Variants in ERCC2 observed in about 807,000 individuals in gnomAD.
ERCC2 encodes the protein ERCC excision repair 2, TFIIH core complex helicase subunit, also known as general transcription and DNA repair factor IIH helicase subunit XPD.
Under a neutral mutation model 99.4 loss-of-function variants are expected in ERCC2, and 90 were observed. The ratio of observed to expected loss-of-function variants is 0.91; its 90% CI spans 0.76 to 1.08. The LOEUF (loss-of-function observed/expected upper bound fraction) is 1.08. Among genes scored for constraint, ERCC2 ranks in the 50% least tolerant of loss-of-function variants. The probability of loss-of-function intolerance (pLI) is 0.00; values close to 1 mark genes in which losing one functional copy is unlikely to be tolerated. For synonymous variants in ERCC2, 497 were observed against 432.4 expected (o/e 1.15, Z -1.85); for missense variants, 993 against 1,038.1 (o/e 0.96, Z 0.60).
intron 15 of ERCC2, 92 bp downstream of exon 15, chr19:45,357,178 T>TCCTG: frequency 1.1e-6 from 1 of 894,328 alleles, no homozygotes; most frequent in Non-Finnish European, 1.8e-6. Flanking sequence ...TGTAAAGCTC[T>TCCTG]CCTGCCTGAG....
intron 15 of ERCC2, among the ~76,000 whole-genome samples, chr19:45,356,604 G>GC (rs1160050142): frequency 2.0e-5 from 3 of 152,184 alleles, no homozygotes; most frequent in Non-Finnish European, 4.4e-5. Context: ...GAGGTCAGGA[G>GC]TTTCAGACCA....
chr19:45,361,441 C>T, intron 12 of ERCC2, 83 bp downstream of exon 12: 2 of 1,009,212 alleles, frequency 2.0e-6, no homozygotes, highest in South Asian at 2.5e-5. Flanking sequence ...CCTGTGTGTC[C>T]TGCCAACAAC....
At chr19:45,361,666 C>T (rs112009566) in intron 11 of ERCC2, 24 bp from the exon 12 acceptor site, 4 of 1,547,846 alleles carry the variant, frequency 2.6e-6, no homozygotes, top group African/African-American at 1.4e-5. Context: ...GAGACGGGGT[C>T]GGGGGGCAGA....
In ERCC2 at chr19:45,366,201, G is replaced by A. The variant is rs1972420848; in HGVS notation, c.361-1043C>T. 1.3e-5 allele frequency among the ~76,000 whole-genome samples: 2 copies of A among 151,630 alleles called. 1 individual carries two copies. The highest frequency in any genetic ancestry group is 1.3e-4 in the Admixed American group (2 of 15,228). ...TCTGTTGCCCAGGCTGGAGTGCAAT[G>A]GCACGATCTTGGCTCACCACAACCT... On this transcript the variant is annotated intron_variant, in intron 5 of 22. Transcript: ENST00000391945.
At position 45,368,969 on chromosome 19, in the gene ERCC2, T is replaced by A; in HGVS notation, c.207A>T (p.Lys69Asn). 6.2e-7 allele frequency: 1 copy of A among 1,614,116 alleles called. No individual in the cohort carries two copies. Among genetic ancestry groups the A allele is most frequent in the Non-Finnish European group, 8.5e-7 (1 of 1,180,010 alleles). The change falls in exon 4 of 23, where the codon AAA (lysine) becomes AAT (asparagine). Residue 69 changes from lysine to asparagine, a missense_variant. Lys to Asn is a moderately conservative substitution (Grantham distance 94). Around this residue, in one of 3 missense-constraint regions of ERCC2, gnomAD observed 29 missense variants for 62.1 expected, o/e 0.47. Transcript: ENST00000391945. ...GCACAGTTCTTGAGCAGTAGATGAG[T>A]TTGGTCACCTCCAGCGGATATGCCT... ...YQRAYPLEVT[K>N]LIYCSRTVPE... is the part of the protein sequence containing the mutation.
At position 45,361,573 on chromosome 19, in the gene ERCC2, C is replaced by G. The variant is rs1043637579; in HGVS notation, c.1188G>C (p.Pro396=). ...TGGCAAAGTTAGCAAGGAGGGTGAGCGGGGAGAAGTCAGCAAGGTCGGTGA... is the reference window on the plus strand; with the variant it reads ...TGGCAAAGTTAGCAAGGAGGGTGAGGGGGGAGAAGTCAGCAAGGTCGGTGA... The part of the protein sequence containing the change: ...LEITDLADFS[P]LTLLANFATL... Residue 396 remains proline, a synonymous_variant, in exon 12 of 23, where the codon CCG becomes CCC. Coordinates refer to ENST00000391945, the MANE Select transcript of ERCC2 (RefSeq NM_000400.4). The G allele has an allele frequency of 6.2e-7, 1 of 1,613,904 alleles. No homozygotes were observed. Among genetic ancestry groups the G allele is most frequent in the Non-Finnish European group, 8.5e-7 (1 of 1,179,894 alleles).
In ERCC2 at chr19:45,350,509, C is replaced by T; in HGVS notation, c.*1120G>A. On this transcript the variant is annotated 3_prime_UTR_variant, in exon 23 of 23. Coordinates refer to ENST00000391945, the MANE Select transcript of ERCC2 (RefSeq NM_000400.4). ...CATCTCAGTGTCCCCCATCTTTCCC[C>T]CTAGGTGCCCCCAACACAGGCACAG... is the stretch of plus-strand genomic sequence containing the variant. 1 of 1,613,900 alleles carries T rather than the reference C, an allele frequency of 6.2e-7. No individual in the cohort carries two copies. Among genetic ancestry groups the T allele is most frequent in the Non-Finnish European group, 8.5e-7 (1 of 1,179,926 alleles).
At chr19:45,359,928 C>A (rs528192411) in intron 12 of ERCC2, among the ~76,000 whole-genome samples, 12 of 152,052 alleles carry the variant, frequency 7.9e-5, no homozygotes, top group Non-Finnish European at 1.3e-4. Flanking sequence ...GTGCGTGCCA[C>A]CACGTCCAGC....
chr19:45,357,159 C>T, intron 15 of ERCC2, 111 bp downstream of exon 15: 2 of 755,170 alleles, frequency 2.6e-6, no homozygotes, highest in Non-Finnish European at 4.5e-6. Flanking sequence ...CCGAACCCAG[C>T]CTCTTCGCTG....
chr19:45,370,345 C>G, intron 1 of ERCC2, 113 bp from the exon 2 acceptor site: 2 of 1,530,910 alleles, frequency 1.3e-6, no homozygotes, highest in Non-Finnish European at 1.8e-6. Context: ...CCCCGGTAAC[C>G]CTCAGGTCCT....
At position 45,354,805 on chromosome 19, in the gene ERCC2, C is replaced by A; in HGVS notation, c.1590G>T (p.Val530=). The A allele has an allele frequency of 6.2e-7, 1 of 1,614,122 alleles. No homozygotes were observed. Among genetic ancestry groups the A allele is most frequent in the Non-Finnish European group, 8.5e-7 (1 of 1,179,986 alleles). The change falls in exon 17 of 23, where the codon GTG becomes GTT. Residue 530 remains valine (V), a synonymous_variant. Transcript: ENST00000391945. Reference sequence around the variant, plus strand: ...AGAAGGCCACGATGCCATCAGGGACCACAGCGGACATCTCCAGCAGGAGGT... The same window carrying A: ...AGAAGGCCACGATGCCATCAGGGACAACAGCGGACATCTCCAGCAGGAGGT... ...YGNLLLEMSA[V]VPDGIVAFFT...
chr19:45,357,451 A>G, intron 14 of ERCC2, 23 bp downstream of exon 14: 1 of 1,613,434 alleles, frequency 6.2e-7, no homozygotes, highest in South Asian at 1.1e-5. Context: ...AGGGACTAGG[A>G]GGGGACGGGG....
intron 19 of ERCC2, 115 bp from the exon 20 acceptor site, chr19:45,352,931 G>A (rs1157790355): frequency 2.2e-5 from 27 of 1,234,304 alleles, no homozygotes; most frequent in South Asian, 2.4e-5. Context: ...GTGTGTTCCC[G>A]CCGGGTGCCT....
At chr19:45,365,424 G>A (rs574751158) in intron 5 of ERCC2, among the ~76,000 whole-genome samples, 1 of 152,292 alleles carries the variant, frequency 6.6e-6, no homozygotes, top group East Asian at 1.9e-4. Context: ...AGACCAGCCT[G>A]GCCAACATGG....
intron 2 of ERCC2, among the ~76,000 whole-genome samples, chr19:45,369,535 G>C (rs1194521502): frequency 6.6e-6 from 1 of 152,038 alleles, no homozygotes; most frequent in African/African-American, 2.4e-5. Context: ...AGATGTGGTG[G>C]CGCGCACCTG....
chr19:45,364,534 T>C lies in ERCC2; in HGVS notation c.608A>G (p.Asn203Ser), dbSNP rs771182769. ...GTAGTGGTAGCTATAAACCACCACATTGGCATGCAGGATCTGGGGGGCCGG... is the reference window on the plus strand; with the variant it reads ...GTAGTGGTAGCTATAAACCACCACACTGGCATGCAGGATCTGGGGGGCCGG... ...FLARYSILHANVVVYSYHYLL... is the reference protein window; with the variant it reads ...FLARYSILHASVVVYSYHYLL... The change falls in exon 8 of 23, where the codon AAT becomes AGT. Residue 203 changes from asparagine (N) to serine (S), a missense_variant. By Grantham distance (46) the Asn-to-Ser change is conservative (BLOSUM62 1). This residue lies in a region of ERCC2 where 909 missense variants were observed against 930.8 expected (regional missense o/e 0.98). Transcript: ENST00000391945. 2.1e-5 allele frequency: 34 copies of C among 1,613,222 alleles called. No homozygotes were observed. The highest frequency in any genetic ancestry group is 8.3e-5 in the Admixed American group (5 of 59,992).
intron 7 of ERCC2, 40 bp downstream of exon 7, chr19:45,364,798 C>G (rs1972366888): frequency 1.3e-6 from 2 of 1,505,892 alleles, no homozygotes; most frequent in South Asian, 1.1e-5. Flanking sequence ...AGCCCACACC[C>G]TCACACTCGC....
intron 12 of ERCC2, chr19:45,358,496 A>G (rs911826865): frequency 1.9e-5 from 6 of 319,384 alleles, no homozygotes; most frequent in Admixed American, 4.5e-5. Context: ...GGGAAACCTG[A>G]GTCCCTGAGT....
In ERCC2 at chr19:45,351,735, AGGAAAG is replaced by A. The variant is rs538966954; in HGVS notation, c.2191-20_2191-15del. 60 of 1,613,134 alleles carry A rather than the reference AGGAAAG, an allele frequency of 3.7e-5. No individual in the cohort carries two copies. The highest frequency in any genetic ancestry group is 2.5e-4 in the South Asian group (23 of 91,070). Reference sequence around the variant, plus strand: ...CAGCTGATCCTCCTGCAGAGAACAGAGGAAAGGGAGAGGGGGGCACTGTTGGGCAGG... The same window carrying A: ...CAGCTGATCCTCCTGCAGAGAACAGAGGAGAGGGGGGCACTGTTGGGCAGG... On this transcript the variant is annotated splice_polypyrimidine_tract_variant and intron_variant, in intron 22 of 22. Coordinates refer to ENST00000391945, the MANE Select transcript of ERCC2 (RefSeq NM_000400.4).
Sources: gnomAD v4.1 joint callset for allele counts (sites outside exome capture counted in the v4.1 genomes callset) on GRCh38, gnomAD v4.1.1 for gene constraint, gnomAD v4.1.1 regional missense constraint, MANE v1.5 for transcripts, NCBI Gene and HGNC (gene_info 2026-07-23, HGNC 2026-07-21) for gene names.